ABCC1: variants seen among roughly 807,000 people sequenced by gnomAD.
ABCC1 encodes ATP binding cassette subfamily C member 1 (ABCC1 blood group).
A neutral mutation model predicts 172.9 loss-of-function variants in ABCC1; 83 were observed. The ratio of observed to expected loss-of-function variants is 0.48; its 90% CI spans 0.40 to 0.58. The LOEUF is 0.58. ABCC1 is among the 20% of genes least tolerant of loss of function. ABCC1 has a pLI of 0.00. For missense variants in ABCC1, 1,817 were observed against 2,002.7 expected, an observed-to-expected ratio of 0.91 and a Z score of 1.77; for synonymous variants, 937 against 825.2, an observed-to-expected ratio of 1.14 and a Z score of -2.32.
intron 18 of ABCC1, 22 bp downstream of exon 18, chr16:16,087,013 CT>C (rs777249790): frequency 6.2e-7 from 1 of 1,613,528 alleles, no homozygotes; most frequent in Non-Finnish European, 8.5e-7. Context: ...CGGGGTGGGG[CT>C]TGGTGTTGGG....
At chr16:16,115,674 T>C (rs1197778669) in intron 23 of ABCC1, among the ~76,000 whole-genome samples, 1 of 152,086 alleles carries the variant, frequency 6.6e-6, no homozygotes, top group Non-Finnish European at 1.5e-5. Context: ...TAAAATTCTT[T>C]AGTTCTTAAG....
rs1020540546 is a variant in ABCC1, at chr16:16,062,021, CCT to C, written c.1677+5729_1677+5730del. On this transcript the variant is annotated intron_variant, in intron 12 of 30. Transcript: ENST00000399410. ...CTCCTGAGCTCGAGCAGTCCGCCTG[CCT>C]CTGTCTCCCAAAGTGCTGGGATTGT... Among the ~76,000 whole-genome samples, 28 of 152,286 alleles carry C rather than the reference CCT, an allele frequency of 1.8e-4. No homozygotes were observed. In the South Asian group the frequency reaches 3.7e-3, roughly 20 times the overall value.
intron 6 of ABCC1, among the ~76,000 whole-genome samples, chr16:16,035,947 T>C (rs1019403168): frequency 6.6e-6 from 1 of 151,182 alleles, no homozygotes; most frequent in Non-Finnish European, 1.5e-5. Flanking sequence ...GACTCTTGTC[T>C]CTACAAAAAT....
At chr16:16,009,211 G>T (rs2047676237) in intron 2 of ABCC1, among the ~76,000 whole-genome samples, 3 of 151,850 alleles carry the variant, frequency 2.0e-5, no homozygotes, top group Non-Finnish European at 4.4e-5. Context: ...CTCCTGCCTC[G>T]GCCTCCCAAA....
intron 27 of ABCC1, among the ~76,000 whole-genome samples, chr16:16,133,941 C>T (rs2045808491): frequency 6.6e-6 from 1 of 152,146 alleles, no homozygotes; most frequent in African/African-American, 2.4e-5. Flanking sequence ...CTGAATCTTT[C>T]AGATATTTCA....
At chr16:16,106,913 T>G in intron 21 of ABCC1, 40 bp downstream of exon 21, 1 of 1,612,534 alleles carries the variant, frequency 6.2e-7, no homozygotes, top group South Asian at 1.1e-5. Context: ...GGCTGGAGTT[T>G]ATAGAGCGCC....
At chr16:16,113,650 C>G (rs2044721356) in intron 22 of ABCC1, among the ~76,000 whole-genome samples, 1 of 152,040 alleles carries the variant, frequency 6.6e-6, no homozygotes, top group Non-Finnish European at 1.5e-5. Context: ...ATGAGAGAGA[C>G]CCCATCTCAA....
intron 1 of ABCC1, among the ~76,000 whole-genome samples, chr16:15,990,833 T>G (rs2046846240): frequency 6.7e-6 from 1 of 150,202 alleles, no homozygotes; most frequent in Non-Finnish European, 1.5e-5. Flanking sequence ...TTTTTTTTTT[T>G]TTTGCATTTT....
intron 5 of ABCC1, among the ~76,000 whole-genome samples, chr16:16,026,465 C>CTTTTTTTTT: frequency 1.0e-5 from 1 of 95,502 alleles, no homozygotes; most frequent in Non-Finnish European, 1.9e-5. Flanking sequence ...AGGCTATTTC[C>CTTTTTTTTT]TTTTTTTTTT....
chr16:16,068,357 C>G lies in ABCC1; in HGVS notation c.1824+55C>G. The G allele has an allele frequency of 3.1e-6, 5 of 1,601,394 alleles. No individual in the cohort carries two copies. In the South Asian group the frequency reaches 5.5e-5, roughly 18 times the overall value. On this transcript the variant is annotated intron_variant, in intron 13 of 30. Coordinates refer to ENST00000399410, the MANE Select transcript of ABCC1 (RefSeq NM_004996.4). The stretch of plus-strand genomic sequence containing the variant: ...GAGGGGGCCTTGGGGTTCTAGGCCA[C>G]GAAAGCATGGAAGTGCCCCCGAGCG...
At chr16:16,103,414 T>C (rs1420089889) in intron 20 of ABCC1, among the ~76,000 whole-genome samples, 4 of 152,008 alleles carry the variant, frequency 2.6e-5, no homozygotes, top group Non-Finnish European at 5.9e-5. Flanking sequence ...ACCCTGTCTC[T>C]ACTAAAGATA....
At chr16:16,048,056 T>A in intron 9 of ABCC1, 86 bp from the exon 10 acceptor site, 2 of 1,483,694 alleles carry the variant, frequency 1.3e-6, no homozygotes, top group Non-Finnish European at 1.9e-6. Flanking sequence ...CCCCTGAGAG[T>A]CTCCTTCCTC....
chr16:16,007,473 C>T (rs1263270438), intron 1 of ABCC1, among the ~76,000 whole-genome samples: 1 of 152,156 alleles, frequency 6.6e-6, no homozygotes, highest in Non-Finnish European at 1.5e-5. Flanking sequence ...GGTCTGCCCA[C>T]TTGGCCTCCC....
intron 1 of ABCC1, among the ~76,000 whole-genome samples, chr16:15,975,420 C>G (rs2046464195): frequency 6.6e-6 from 1 of 152,134 alleles, no homozygotes; most frequent in African/African-American, 2.4e-5. Flanking sequence ...CCTTTAGACT[C>G]CTGTCCCTAA....
intron 27 of ABCC1, among the ~76,000 whole-genome samples, chr16:16,134,079 C>G (rs893561705): frequency 1.3e-5 from 2 of 152,158 alleles, no homozygotes; most frequent in African/African-American, 4.8e-5. Flanking sequence ...TTCCTTCTGC[C>G]TCTTCTGTAT....
At position 15,980,864 on chromosome 16, in the gene ABCC1, C is replaced by G. The variant is rs553146076; in HGVS notation, c.49-26952C>G. On this transcript the variant is annotated intron_variant, in intron 1 of 30. Transcript: ENST00000399410. ...AAGTCTCATCTGAGACAAGGCAAGT[C>G]CCTTCTGCCTATTAGCCTGTAAAAC... Among the ~76,000 whole-genome samples the G allele has an allele frequency of 9.2e-4, 140 of 152,264 alleles. 1 individual carries two copies. The highest frequency in any genetic ancestry group is 3.3e-3 in the African/African-American group (139 of 41,532).
At chr16:15,983,616 C>A (rs2046678546) in intron 1 of ABCC1, among the ~76,000 whole-genome samples, 1 of 142,420 alleles carries the variant, frequency 7.0e-6, no homozygotes, top group South Asian at 2.3e-4. Flanking sequence ...AGAGCAATGG[C>A]ATGATCACGG....
In ABCC1 at chr16:16,078,172, A is replaced by G. The variant is rs185298798; in HGVS notation, c.1989-1180A>G. On this transcript the variant is annotated intron_variant, in intron 15 of 30. Coordinates refer to ENST00000399410, the MANE Select transcript of ABCC1 (RefSeq NM_004996.4). ...GACTCTTGTCTCAAAAAAATAAATAAATACTTAAGTAACTAAATACAGATA... is the reference window on the plus strand; with the variant it reads ...GACTCTTGTCTCAAAAAAATAAATAGATACTTAAGTAACTAAATACAGATA... Among the ~76,000 whole-genome samples, 622 of 152,278 alleles carry G rather than the reference A, an allele frequency of 4.1e-3. 1 individual carries two copies. Among genetic ancestry groups the G allele is most frequent in the Non-Finnish European group, 7.0e-3 (478 of 68,024 alleles).
rs149614041 is a variant in ABCC1 at position 16,066,499 on chromosome 16, C to A, written c.1678-1657C>A. On this transcript the variant is annotated intron_variant, in intron 12 of 30. Transcript: ENST00000399410. ...CCTGGCCATCTGACTGGTTTCTTAGCATGATGTTTTCAAGGTTTATCCATG... is the reference window on the plus strand; with the variant it reads ...CCTGGCCATCTGACTGGTTTCTTAGAATGATGTTTTCAAGGTTTATCCATG... 6.9e-3 allele frequency among the ~76,000 whole-genome samples: 1,056 copies of A among 152,116 alleles called. 17 individuals are homozygous for A. The highest frequency in any genetic ancestry group is 0.023 in the African/African-American group (970 of 41,514).
Sources: allele counts gnomAD v4.1 joint callset (sites outside exome capture counted in the v4.1 genomes callset), GRCh38; gene constraint gnomAD v4.1.1; transcripts MANE v1.5; gene names NCBI Gene and HGNC (gene_info 2026-07-23, HGNC 2026-07-21).